The following TENM2 variants were observed in gnomAD, a reference collection of about 807,000 sequenced individuals.
The protein encoded by TENM2 is teneurin-2.
TENM2 carries 52 observed loss-of-function variants against 245.2 expected under a neutral mutation model. The observed-to-expected ratio is 0.21, with a 90% CI of 0.17 to 0.27. TENM2 has a LOEUF of 0.27. Among genes scored for constraint, TENM2 ranks in the 10% least tolerant of loss-of-function variants. TENM2 has a pLI of 1.00. For synonymous variants in TENM2, 1,363 were observed against 1,438.9 expected, an observed-to-expected ratio of 0.95 and a Z score of 1.19; for missense variants, 3,046 against 3,666.8, an observed-to-expected ratio of 0.83 and a Z score of 4.37.
intron 2 of TENM2, among the ~76,000 whole-genome samples, chr5:167,467,145 G>A (rs1050567075): frequency 3.3e-5 from 5 of 152,162 alleles, no homozygotes; most frequent in African/African-American, 9.7e-5. Flanking sequence ...TGTTAAGGGA[G>A]TAACCTGGAG....
chr5:167,485,850 A>G (rs1365199729), intron 2 of TENM2, among the ~76,000 whole-genome samples: 4 of 152,200 alleles, frequency 2.6e-5, no homozygotes, highest in African/African-American at 7.2e-5. Context: ...TTTAATGTAG[A>G]AAAGTATTGT....
At chr5:167,783,531 C>T (rs1216274032) in intron 2 of TENM2, among the ~76,000 whole-genome samples, 1 of 152,198 alleles carries the variant, frequency 6.6e-6, no homozygotes, top group Non-Finnish European at 1.5e-5. Context: ...CAGTTAGATG[C>T]CACGGCAGTG....
chr5:167,984,406 C>G (rs1271328435), intron 4 of TENM2, among the ~76,000 whole-genome samples: 1 of 152,170 alleles, frequency 6.6e-6, no homozygotes, highest in Non-Finnish European at 1.5e-5. Context: ...GCCCGTAATT[C>G]TAGCACTTTG....
chr5:167,865,549 C>T lies in TENM2; in HGVS notation c.503-10437C>T, dbSNP rs566264513. ...TTGGCCTCCCAAAGTGCTGGGATTACAGTCGTGAGCCAGCATGCCCAGCCT... is the reference window on the plus strand; with the variant it reads ...TTGGCCTCCCAAAGTGCTGGGATTATAGTCGTGAGCCAGCATGCCCAGCCT... On this transcript the variant is annotated intron_variant, in intron 2 of 28. Transcript: ENST00000518659. 3.9e-5 allele frequency among the ~76,000 whole-genome samples: 6 copies of T among 152,278 alleles called. No homozygotes were observed. In the South Asian group the frequency reaches 8.3e-4, roughly 21 times the overall value.
intron 2 of TENM2, among the ~76,000 whole-genome samples, chr5:167,601,397 G>A (rs574934135): frequency 6.6e-6 from 1 of 152,320 alleles, no homozygotes; most frequent in Non-Finnish European, 1.5e-5. Flanking sequence ...GTGGCAAGAG[G>A]GATTACCATA....
Position 167,499,701 on chromosome 5 carries a change from C to G in TENM2, c.502+124228C>G, listed in dbSNP as rs183399429. On this transcript the variant is annotated intron_variant, in intron 2 of 28. Transcript: ENST00000518659. ...ACATTAACAGAGATGGATGTCGTGA[C>G]TCTCCCATAGATATGAAATGCATGC... Among the ~76,000 whole-genome samples, 4 of 152,256 alleles carry G rather than the reference C, an allele frequency of 2.6e-5. No homozygotes were observed. In the East Asian group the frequency reaches 5.8e-4, roughly 22 times the overall value.
At chr5:167,813,151 C>CGAA in intron 2 of TENM2, among the ~76,000 whole-genome samples, 1 of 152,200 alleles carries the variant, frequency 6.6e-6, no homozygotes, top group East Asian at 1.9e-4. Flanking sequence ...AGCTCTGTTT[C>CGAA]TTCATGAGCA....
intron 27 of TENM2, among the ~76,000 whole-genome samples, chr5:168,248,700 TTC>T (rs1025642614): frequency 4.6e-5 from 7 of 152,240 alleles, no homozygotes; most frequent in African/African-American, 1.7e-4. Flanking sequence ...CTGGTTCAAA[TTC>T]TCTCTCTTCT....
At chr5:167,828,514 G>A (rs1178136709) in intron 2 of TENM2, among the ~76,000 whole-genome samples, 1 of 152,160 alleles carries the variant, frequency 6.6e-6, no homozygotes, top group Non-Finnish European at 1.5e-5. Flanking sequence ...TGCGTCCTCA[G>A]CCCTGTTGAA....
At chr5:166,982,791 TG>T in the TENM2 span, among the ~76,000 whole-genome samples, 65 of 149,728 alleles carry the variant, frequency 4.3e-4, no homozygotes, top group East Asian at 1.8e-3. Context: ...ATGTTTTTTT[TG>T]GGGGGGGGAG....
chr5:167,281,594 C>G (rs1174872272), upstream of TENM2, among the ~76,000 whole-genome samples: 3 of 152,100 alleles, frequency 2.0e-5, no homozygotes, highest in African/African-American at 7.2e-5. Flanking sequence ...ACAAAGTTAA[C>G]TATCAAGGGC....
chr5:167,006,917 T>A, the TENM2 span, among the ~76,000 whole-genome samples: 1 of 152,170 alleles, frequency 6.6e-6, no homozygotes, highest in Admixed American at 6.5e-5. Flanking sequence ...TTCACCCACC[T>A]CGGCCTCCGA....
the TENM2 span, among the ~76,000 whole-genome samples, chr5:167,067,787 G>A: frequency 1.3e-5 from 2 of 152,160 alleles, no homozygotes; most frequent in Non-Finnish European, 1.5e-5. Context: ...TTCAGATCCT[G>A]AGGGATGTTT....
At chr5:168,089,855 G>A (rs1026000629) in intron 7 of TENM2, among the ~76,000 whole-genome samples, 2 of 152,080 alleles carry the variant, frequency 1.3e-5, no homozygotes, top group Non-Finnish European at 2.9e-5. Context: ...TGGGTGCCAG[G>A]CACTGTCTAA....
rs79001974 is a variant in TENM2, at chr5:168,045,587, G to T, written c.1187-1840G>T. Among the ~76,000 whole-genome samples, 432 of 152,272 alleles carry T rather than the reference G, an allele frequency of 2.8e-3. 15 individuals are homozygous for T. In the East Asian group the frequency reaches 0.073, roughly 26 times the overall value. ...TCCATAGACGTGAAATCAAAGCTTTGTTAGGCCTGGGTTCCAGCGGCACCT... is the reference window on the plus strand; with the variant it reads ...TCCATAGACGTGAAATCAAAGCTTTTTTAGGCCTGGGTTCCAGCGGCACCT... On this transcript the variant is annotated intron_variant, in intron 5 of 28. Coordinates refer to ENST00000518659, the Ensembl canonical transcript of TENM2.
chr5:167,542,410 A>G (rs1484188490), intron 2 of TENM2, among the ~76,000 whole-genome samples: 1 of 152,150 alleles, frequency 6.6e-6, no homozygotes, highest in Non-Finnish European at 1.5e-5. Flanking sequence ...TCTGTACATC[A>G]TGTGAATAAG....
chr5:167,406,939 G>T (rs1176622039), intron 2 of TENM2, among the ~76,000 whole-genome samples: 1 of 152,236 alleles, frequency 6.6e-6, no homozygotes, highest in African/African-American at 2.4e-5. Context: ...GCTAGAGTTA[G>T]TGTAATTCTT....
the TENM2 span, among the ~76,000 whole-genome samples, chr5:167,166,472 T>C: frequency 6.6e-6 from 1 of 152,168 alleles, no homozygotes; most frequent in Non-Finnish European, 1.5e-5. Flanking sequence ...GCTTATAATA[T>C]TGTTGAGAGC....
In TENM2 at chr5:167,645,118, T is replaced by A. The variant is rs78426604; in HGVS notation, c.503-230868T>A. Among the ~76,000 whole-genome samples the A allele has an allele frequency of 9.7e-3, 1,476 of 152,326 alleles. 28 individuals carry two copies. Among genetic ancestry groups the A allele is most frequent in the East Asian group, 0.03 (155 of 5,190 alleles). ...AATTTCATGGGATTACTGTCATACA[T>A]GGGGTCTGAAGTTGACTGAAGCATT... On this transcript the variant is annotated intron_variant, in intron 2 of 28. Coordinates refer to ENST00000518659, the Ensembl canonical transcript of TENM2.
Sources: gnomAD v4.1 joint callset for allele counts (sites outside exome capture counted in the v4.1 genomes callset) on GRCh38, gnomAD v4.1.1 for gene constraint, MANE v1.5 for transcripts, NCBI Gene and HGNC (gene_info 2026-07-23, HGNC 2026-07-21) for gene names.